Variants in FBXL7 observed in about 807,000 individuals in gnomAD.
The protein encoded by FBXL7 is F-box/LRR-repeat protein 7.
Under a neutral mutation model 38.3 loss-of-function variants are expected in FBXL7, and 12 were observed. That is an observed-to-expected ratio of 0.31 (90% CI 0.20 to 0.51). FBXL7 has a LOEUF of 0.51. FBXL7 is among the 20% of genes least tolerant of loss of function. FBXL7 has a pLI of 0.98. For missense variants in FBXL7, 567 were observed against 676.4 expected, an observed-to-expected ratio of 0.84 and a Z score of 1.79; for synonymous variants, 297 against 300.9, an observed-to-expected ratio of 0.99 and a Z score of 0.13.
At chr5:15,918,578 C>G (rs184023882) in intron 2 of FBXL7, among the ~76,000 whole-genome samples, 358 of 152,320 alleles carry the variant, frequency 2.4e-3, no homozygotes, top group Middle Eastern at 0.014. Context: ...AAAACCCACG[C>G]TTAGTTCGGA....
At chr5:15,920,256 CA>C (rs59381588) in intron 2 of FBXL7, among the ~76,000 whole-genome samples, 8,450 of 140,054 alleles carry the variant, frequency 0.06, 770 homozygotes, top group African/African-American at 0.2. Flanking sequence ...GACTCCATCT[CA>C]AAAAAAAAAA....
At chr5:15,564,388 G>C (rs890579885) in intron 1 of FBXL7, among the ~76,000 whole-genome samples, 3 of 146,612 alleles carry the variant, frequency 2.0e-5, no homozygotes, top group Non-Finnish European at 4.5e-5. Context: ...CTGTGTGTGT[G>C]TGTGTGTGTG....
intron 2 of FBXL7, among the ~76,000 whole-genome samples, chr5:15,740,995 T>A (rs1030774168): frequency 5.9e-5 from 9 of 152,170 alleles, no homozygotes; most frequent in Admixed American, 1.3e-4. Context: ...AAATAAAGTC[T>A]CCTGTGTTCT....
At chr5:15,660,437 AC>A (rs1295153192) in intron 2 of FBXL7, among the ~76,000 whole-genome samples, 1 of 152,194 alleles carries the variant, frequency 6.6e-6, no homozygotes, top group African/African-American at 2.4e-5. Flanking sequence ...GCTCACTGCA[AC>A]CTTCACCTCC....
intron 1 of FBXL7, among the ~76,000 whole-genome samples, chr5:15,570,561 C>T (rs568875090): frequency 3.9e-5 from 6 of 152,166 alleles, no homozygotes; most frequent in South Asian, 2.1e-4. Flanking sequence ...GAATATACAA[C>T]GAGCAAGTCT....
intron 1 of FBXL7, among the ~76,000 whole-genome samples, chr5:15,596,858 C>A (rs1224328934): frequency 6.6e-6 from 1 of 152,206 alleles, no homozygotes; most frequent in Non-Finnish European, 1.5e-5. Flanking sequence ...ATGGACGCTC[C>A]ATGCCCCTTC....
chr5:15,626,713 A>G (rs925157547), intron 2 of FBXL7, among the ~76,000 whole-genome samples: 7 of 152,270 alleles, frequency 4.6e-5, no homozygotes, highest in South Asian at 2.1e-4. Context: ...AAATAATTCT[A>G]TGTTTATTTC....
chr5:15,821,775 T>C (rs1003478327), intron 2 of FBXL7, among the ~76,000 whole-genome samples: 1 of 152,206 alleles, frequency 6.6e-6, no homozygotes, highest in Non-Finnish European at 1.5e-5. Flanking sequence ...CAAGCTCTAC[T>C]TCCTCTCAAA....
At chr5:15,637,149 A>G (rs1335047990) in intron 2 of FBXL7, among the ~76,000 whole-genome samples, 3 of 152,206 alleles carry the variant, frequency 2.0e-5, no homozygotes, top group Non-Finnish European at 1.5e-5. Flanking sequence ...AGAAAAAATA[A>G]TGATAGCAAA....
At chr5:15,656,265 T>C (rs1259079098) in intron 2 of FBXL7, among the ~76,000 whole-genome samples, 1 of 152,208 alleles carries the variant, frequency 6.6e-6, no homozygotes, top group Non-Finnish European at 1.5e-5. Flanking sequence ...ATGTGAATCA[T>C]AGTAATTTAT....
intron 2 of FBXL7, among the ~76,000 whole-genome samples, chr5:15,755,865 G>C (rs1262767828): frequency 6.6e-6 from 1 of 152,180 alleles, no homozygotes; most frequent in Non-Finnish European, 1.5e-5. Flanking sequence ...GCAATCCAGT[G>C]CCTAGCACAG....
intron 1 of FBXL7, among the ~76,000 whole-genome samples, chr5:15,536,857 T>A (rs544331472): frequency 6.6e-6 from 1 of 152,196 alleles, no homozygotes; most frequent in African/African-American, 2.4e-5. Flanking sequence ...GTGATATGGT[T>A]TGGCTCTGTG....
At chr5:15,711,893 A>G (rs1482200383) in intron 2 of FBXL7, among the ~76,000 whole-genome samples, 2 of 152,220 alleles carry the variant, frequency 1.3e-5, no homozygotes, top group Non-Finnish European at 2.9e-5. Flanking sequence ...AGCATAAAAC[A>G]GATATATTAA....
At chr5:15,850,384 A>C (rs1561151450) in intron 2 of FBXL7, among the ~76,000 whole-genome samples, 1 of 152,160 alleles carries the variant, frequency 6.6e-6, no homozygotes, top group Non-Finnish European at 1.5e-5. Flanking sequence ...CCTCCCTTGC[A>C]GAGTAGCTTC....
At chr5:15,579,792 T>G (rs1739078995) in intron 1 of FBXL7, among the ~76,000 whole-genome samples, 3 of 152,088 alleles carry the variant, frequency 2.0e-5, no homozygotes, top group Admixed American at 2.0e-4. Flanking sequence ...GTCCTCCCTG[T>G]CTCTCTCTTC....
intron 2 of FBXL7, among the ~76,000 whole-genome samples, chr5:15,823,560 G>A (rs947604490): frequency 6.6e-6 from 1 of 152,164 alleles, no homozygotes; most frequent in African/African-American, 2.4e-5. Flanking sequence ...ATCTGTGAAT[G>A]TGGTGCTGGT....
intron 2 of FBXL7, among the ~76,000 whole-genome samples, chr5:15,662,173 C>A (rs1184174418): frequency 6.6e-6 from 1 of 152,010 alleles, no homozygotes; most frequent in African/African-American, 2.4e-5. Flanking sequence ...TTCTCTGCAA[C>A]CTCACCAGCA....
rs116092727 is a variant in FBXL7, at chr5:15,603,917, A to C, written c.38-12066A>C. On this transcript the variant is annotated intron_variant, in intron 1 of 3. Transcript: ENST00000504595. ...TTTGGGAGGCTGAGGCGAGTGGGTC[A>C]CTTGAGGCCAAAAGTTCAAGACCAG... Among the ~76,000 whole-genome samples, 998 of 152,318 alleles carry C rather than the reference A, an allele frequency of 6.6e-3. 7 individuals carry two copies. Among genetic ancestry groups the C allele is most frequent in the African/African-American group, 0.023 (943 of 41,576 alleles).
intron 1 of FBXL7, among the ~76,000 whole-genome samples, chr5:15,563,028 A>ATCTTT (rs1738461389): frequency 6.6e-6 from 1 of 152,116 alleles, no homozygotes; most frequent in Non-Finnish European, 1.5e-5. Context: ...GAACTTACTT[A>ATCTTT]TCTTTTCTTC....
Sources: gnomAD v4.1 joint callset for allele counts (sites outside exome capture counted in the v4.1 genomes callset) on GRCh38, gnomAD v4.1.1 for gene constraint, MANE v1.5 for transcripts, NCBI Gene and HGNC (gene_info 2026-07-23, HGNC 2026-07-21) for gene names.